The following KIAA1217 variants were observed in gnomAD, a reference collection of about 807,000 sequenced individuals.
KIAA1217 encodes the protein sickle tail protein homolog.
Under a neutral mutation model 163.9 loss-of-function variants are expected in KIAA1217, and 88 were observed. The observed-to-expected ratio is 0.54, with a 90% CI of 0.45 to 0.64. The LOEUF (loss-of-function observed/expected upper bound fraction) is 0.64. Ranked by LOEUF, KIAA1217 falls within the 30% of genes least tolerant of loss-of-function variation. The pLI, the probability that KIAA1217 is intolerant of heterozygous loss-of-function variation, is 0.00. For missense variants in KIAA1217, 2,372 were observed against 2,475.0 expected, an observed-to-expected ratio of 0.96 and a Z score of 0.88; for synonymous variants, 903 against 923.1, an observed-to-expected ratio of 0.98 and a Z score of 0.39.
intron 9 of KIAA1217, among the ~76,000 whole-genome samples, chr10:24,512,957 T>A (rs902031081): frequency 1.3e-5 from 2 of 152,212 alleles, no homozygotes; most frequent in African/African-American, 4.8e-5. Flanking sequence ...TGCCCTGTGC[T>A]GCTCCCTCTA....
intron 2 of KIAA1217, chr10:24,368,862 G>C (rs1244290039): frequency 1.0e-6 from 1 of 984,300 alleles, no homozygotes; most frequent in Non-Finnish European, 1.2e-6. Context: ...AAGCTAAATG[G>C]TTGGCATCTT....
chr10:24,254,292 C>A (rs1247572521), intron 2 of KIAA1217, among the ~76,000 whole-genome samples: 2 of 152,208 alleles, frequency 1.3e-5, no homozygotes, highest in Non-Finnish European at 2.9e-5. Flanking sequence ...GATGGGAATG[C>A]AACTTCCTCA....
intron 2 of KIAA1217, among the ~76,000 whole-genome samples, chr10:24,176,246 T>G (rs2065884669): frequency 6.6e-6 from 1 of 152,060 alleles, no homozygotes; most frequent in Non-Finnish European, 1.5e-5. Context: ...TCCACTAGAT[T>G]AGCTAGACAC....
chr10:23,829,186 G>A (rs1280531156), intron 1 of KIAA1217, among the ~76,000 whole-genome samples: 2 of 152,142 alleles, frequency 1.3e-5, no homozygotes. Flanking sequence ...TTGGCTGTAG[G>A]AAGATTATGA....
intron 19 of KIAA1217, 74 bp downstream of exon 19, chr10:24,544,555 G>A (rs2075485771): frequency 3.3e-6 from 5 of 1,505,450 alleles, no homozygotes; most frequent in Non-Finnish European, 3.5e-6. Flanking sequence ...TTAGTGAAAG[G>A]TGTCTTGTAA....
At chr10:24,281,200 T>C (rs914195078) in intron 2 of KIAA1217, among the ~76,000 whole-genome samples, 3 of 152,238 alleles carry the variant, frequency 2.0e-5, no homozygotes, top group Non-Finnish European at 1.5e-5. Context: ...TACATCAATA[T>C]GGTACATTTG....
chr10:24,071,244 A>T (rs1051617906), intron 2 of KIAA1217, among the ~76,000 whole-genome samples: 21 of 152,222 alleles, frequency 1.4e-4, no homozygotes, highest in African/African-American at 5.1e-4. Context: ...TTAGAAGTGA[A>T]CAAAACATTG....
intron 1 of KIAA1217, among the ~76,000 whole-genome samples, chr10:23,850,390 C>G (rs1056479815): frequency 2.6e-5 from 4 of 152,104 alleles, no homozygotes; most frequent in Non-Finnish European, 4.4e-5. Flanking sequence ...CCTCCCAACA[C>G]TATTTTAATG....
Position 24,296,831 on chromosome 10 carries a change from C to CA in KIAA1217, c.354+76929dup, listed in dbSNP as rs1293696890. ...ATTGGGGCTAAATACAGATTATGTG[C>CA]AAAAAAAGAAATTGCTAGCATCTAA... On this transcript the variant is annotated intron_variant, in intron 2 of 20. Transcript: ENST00000376454. Among the ~76,000 whole-genome samples the CA allele has an allele frequency of 2.6e-5, 4 of 152,004 alleles. No individual in the cohort carries two copies. In the East Asian group the frequency reaches 5.8e-4, roughly 22 times the overall value.
intron 12 of KIAA1217, among the ~76,000 whole-genome samples, chr10:24,522,563 T>G (rs2071446936): frequency 6.6e-6 from 1 of 152,180 alleles, no homozygotes; most frequent in Non-Finnish European, 1.5e-5. Context: ...CCAGGCTTCC[T>G]TACCAAAGGT....
intron 1 of KIAA1217, among the ~76,000 whole-genome samples, chr10:23,719,837 C>T (rs111355485): frequency 0.02 from 3,076 of 151,974 alleles, 119 homozygotes; most frequent in African/African-American, 0.07. Context: ...TCTCTTGAAC[C>T]TGGGAGGTGG....
chr10:24,489,132 A>G lies in KIAA1217; in HGVS notation c.1680-5368A>G, dbSNP rs551371142. On this transcript the variant is annotated intron_variant, in intron 6 of 20. Coordinates refer to ENST00000376454, the MANE Select transcript of KIAA1217 (RefSeq NM_019590.5). The stretch of plus-strand genomic sequence containing the variant: ...GCGGAACCACCTAGTAGGGACTCTC[A>G]GAAGGCCAGAATACTGCAGTTGTTA... 2.0e-5 allele frequency among the ~76,000 whole-genome samples: 3 copies of G among 152,288 alleles called. No homozygotes were observed. In the South Asian group the frequency reaches 6.2e-4, roughly 32 times the overall value.
intron 2 of KIAA1217, among the ~76,000 whole-genome samples, chr10:24,321,505 C>G (rs1385079746): frequency 1.3e-5 from 2 of 152,018 alleles, no homozygotes; most frequent in African/African-American, 2.4e-5. Flanking sequence ...TGCACTCCAG[C>G]CTGGGTAACA....
intron 1 of KIAA1217, among the ~76,000 whole-genome samples, chr10:23,756,509 C>G (rs1833930602): frequency 6.6e-6 from 1 of 152,044 alleles, no homozygotes; most frequent in Admixed American, 6.6e-5. Flanking sequence ...TCCATTTCTC[C>G]AAACACAGGT....
At chr10:23,782,743 T>C (rs952290536) in intron 1 of KIAA1217, among the ~76,000 whole-genome samples, 4 of 152,214 alleles carry the variant, frequency 2.6e-5, no homozygotes, top group African/African-American at 9.6e-5. Flanking sequence ...GTATGGAGTC[T>C]TTAGGGTTTT....
chr10:23,777,856 A>G (rs937860699), intron 1 of KIAA1217, among the ~76,000 whole-genome samples: 4 of 152,220 alleles, frequency 2.6e-5, no homozygotes, highest in African/African-American at 9.6e-5. Flanking sequence ...GTAGGGGTGG[A>G]AAGGAAGTCA....
At chr10:23,829,819 C>CA (rs1369742120) in intron 1 of KIAA1217, among the ~76,000 whole-genome samples, 2 of 152,070 alleles carry the variant, frequency 1.3e-5, no homozygotes, top group Non-Finnish European at 2.9e-5. Context: ...TTAGGCATTT[C>CA]AAAATATTTA....
At chr10:24,535,829 C>T (rs1188218792) in intron 16 of KIAA1217, among the ~76,000 whole-genome samples, 6 of 137,690 alleles carry the variant, frequency 4.4e-5, no homozygotes, top group African/African-American at 1.7e-4. Context: ...ATCCTAGCTG[C>T]ACATTAGAAT....
intron 1 of KIAA1217, among the ~76,000 whole-genome samples, chr10:23,795,982 C>T (rs1836181652): frequency 6.6e-6 from 1 of 152,148 alleles, no homozygotes; most frequent in African/African-American, 2.4e-5. Flanking sequence ...GGCTAAGTGC[C>T]TGGAATTTCC....
Sources: allele counts gnomAD v4.1 joint callset (sites outside exome capture counted in the v4.1 genomes callset), GRCh38; gene constraint gnomAD v4.1.1; transcripts MANE v1.5; gene names NCBI Gene and HGNC (gene_info 2026-07-23, HGNC 2026-07-21).